Variants in GTF3C5 observed in about 807,000 individuals in gnomAD.
The protein encoded by GTF3C5 is general transcription factor 3C polypeptide 5.
Under a neutral mutation model 61.0 loss-of-function variants are expected in GTF3C5, and 47 were observed. The ratio of observed to expected loss-of-function variants is 0.77; its 90% confidence interval spans 0.61 to 0.98. The LOEUF (loss-of-function observed/expected upper bound fraction) is 0.98, where lower values mean the gene tolerates loss of function less well. GTF3C5 is among the 50% of genes least tolerant of loss of function. GTF3C5 has a pLI of 0.00. For synonymous variants in GTF3C5, 295 were observed against 275.4 expected (o/e 1.07, Z -0.71); for missense variants, 659 against 703.3 (o/e 0.94, Z 0.71).
At chr9:133,033,274 C>G (rs1849779238) in intron 1 of GTF3C5, among the ~76,000 whole-genome samples, 1 of 152,150 alleles carries the variant, frequency 6.6e-6, no homozygotes, top group Admixed American at 6.5e-5. Context: ...ATCTCTTACT[C>G]TACGGTGTCT....
chr9:133,038,205 G>A (rs1849932684), intron 1 of GTF3C5, among the ~76,000 whole-genome samples: 1 of 152,158 alleles, frequency 6.6e-6, no homozygotes, highest in Non-Finnish European at 1.5e-5. Flanking sequence ...TGAACAAGCT[G>A]AACCTTTGAG....
chr9:133,056,684 C>T (rs1233881502), intron 9 of GTF3C5, 82 bp from the exon 10 acceptor site: 23 of 1,372,946 alleles, frequency 1.7e-5, no homozygotes, highest in Non-Finnish European at 2.0e-5. Context: ...TACAGCTCTG[C>T]CTCTGGCAAA....
chr9:133,054,266 C>T (rs1156658114), intron 6 of GTF3C5, 142 bp from the exon 7 acceptor site: 4 of 675,340 alleles, frequency 5.9e-6, no homozygotes, highest in Non-Finnish European at 1.0e-5. Flanking sequence ...TGTTGGTGAC[C>T]GCAGTGGCGT....
chr9:133,045,079 A>G (rs1490351592), intron 3 of GTF3C5, among the ~76,000 whole-genome samples: 1 of 152,256 alleles, frequency 6.6e-6, no homozygotes, highest in Non-Finnish European at 1.5e-5. Flanking sequence ...ACATTGACAT[A>G]AAAGAATAGG....
chr9:133,049,965 G>T (rs1240518389), intron 3 of GTF3C5, among the ~76,000 whole-genome samples: 1 of 152,150 alleles, frequency 6.6e-6, no homozygotes, highest in Non-Finnish European at 1.5e-5. Flanking sequence ...TTGACATTGG[G>T]GTTCCCTCTT....
intron 1 of GTF3C5, among the ~76,000 whole-genome samples, chr9:133,037,973 G>T (rs1316958543): frequency 6.6e-6 from 1 of 152,178 alleles, no homozygotes; most frequent in Non-Finnish European, 1.5e-5. Context: ...AGGTTCCTGT[G>T]TCTTGTCCCA....
chr9:133,050,933 C>T lies in GTF3C5; in HGVS notation c.723C>T (p.Val241=), dbSNP rs1294379317. ...LEAAAQTWRR[V]CTNPVDRKVE... Reference sequence around the variant, plus strand: ...CTGCAGCCCAGACGTGGAGGAGAGTCTGCACTAACCCCGTGGACCGGAAGG... The same window carrying T: ...CTGCAGCCCAGACGTGGAGGAGAGTTTGCACTAACCCCGTGGACCGGAAGG... The change falls in exon 4 of 11, where the codon GTC becomes GTT. Residue 241 remains valine, a synonymous_variant. Coordinates refer to ENST00000372097, the MANE Select transcript of GTF3C5 (RefSeq NM_012087.4). The T allele has an allele frequency of 1.2e-6, 2 of 1,613,506 alleles. No individual in the cohort carries two copies. The highest frequency in any genetic ancestry group is 2.2e-5 in the East Asian group (1 of 44,830).
chr9:133,058,374 C>T lies in GTF3C5; in HGVS notation c.*394C>T, dbSNP rs7324. On this transcript the variant is annotated 3_prime_UTR_variant, in exon 11 of 11. Transcript: ENST00000372097. The stretch of plus-strand genomic sequence containing the variant: ...CTCATGACTGTGGTGGTGGAGATAG[C>T]GTGGGGAGCCTCGCCCATGGTCTCA... The T allele has an allele frequency of 0.28, 48,544 of 174,414 alleles. 7,611 individuals carry two copies. The highest frequency in any genetic ancestry group is 0.34 in the Non-Finnish European group (27,390 of 81,032). The allele number at this position is 174,414 out of a possible 1,614,324, so 10.8% of individuals were successfully genotyped here. A position where few individuals can be genotyped will look rare whatever the true frequency, so the allele number is the denominator to read the frequency against.
rs1252054357 is a variant in GTF3C5 at position 133,054,598 on chromosome 9, G to A, written c.1069+110G>A. The A allele has an allele frequency of 4.5e-5, 64 of 1,407,972 alleles. No individual in the cohort carries two copies. In the Admixed American group the frequency reaches 7.8e-4, roughly 17 times the overall value. The allele number at this position is 1,407,972 out of a possible 1,614,324, so 87.2% of individuals were successfully genotyped here. A position where few individuals can be genotyped will look rare whatever the true frequency, so the allele number is the denominator to read the frequency against. On this transcript the variant is annotated intron_variant, in intron 7 of 10. Transcript: ENST00000372097. The stretch of plus-strand genomic sequence containing the variant: ...CTGGGGGTCACTCCAGGGCTCTGCC[G>A]GTCATTCCTCCCCTAGGAGGGGGTG...
rs1487050593 is a variant in GTF3C5 at position 133,058,010 on chromosome 9, G to A, written c.*30G>A. The stretch of plus-strand genomic sequence containing the variant: ...GCCCAAGGCTGGGCCTCCCTGACCC[G>A]GCCAGACTGGTGTCTGGCCTAATGA... On this transcript the variant is annotated 3_prime_UTR_variant, in exon 11 of 11. Transcript: ENST00000372097. The A allele has an allele frequency of 5.0e-6, 8 of 1,612,294 alleles. No individual in the cohort carries two copies. In the East Asian group the frequency reaches 6.7e-5, roughly 13 times the overall value.
intron 1 of GTF3C5, among the ~76,000 whole-genome samples, chr9:133,032,993 A>T (rs1434575817): frequency 1.3e-5 from 2 of 152,156 alleles, no homozygotes; most frequent in Non-Finnish European, 2.9e-5. Flanking sequence ...ATCATTTCTA[A>T]TGCTATTCTA....
At chr9:133,044,228 G>C in intron 3 of GTF3C5, 1 of 405,054 alleles carries the variant, frequency 2.5e-6, no homozygotes, top group Non-Finnish European at 4.5e-6. Flanking sequence ...TTTAAAAAGT[G>C]TGTGCAGTTC....
intron 1 of GTF3C5, among the ~76,000 whole-genome samples, chr9:133,034,443 A>G (rs959424504): frequency 5.9e-5 from 9 of 152,204 alleles, no homozygotes; most frequent in Non-Finnish European, 1.3e-4. Context: ...CCTGAGTCAC[A>G]TTGATGACAA....
chr9:133,031,085 T>G lies in GTF3C5; in HGVS notation c.74T>G (p.Val25Gly). ...PVELRRERRM[V>G]CVEYPGVVRD... Reference sequence around the variant, plus strand: ...GAGCTGAGGCGGGAGCGACGCATGGTGTGCGTGGAGTACCCGGGAGTGGTG... The same window carrying G: ...GAGCTGAGGCGGGAGCGACGCATGGGGTGCGTGGAGTACCCGGGAGTGGTG... The change falls in exon 1 of 11, where the codon GTG (valine) becomes GGG (glycine). Residue 25 changes from valine to glycine, a missense_variant. Val to Gly is a moderately radical substitution (Grantham distance 109). Transcript: ENST00000372097. 1 of 1,609,162 alleles carries G rather than the reference T, an allele frequency of 6.2e-7. No homozygotes were observed.
chr9:133,052,571 T>C (rs955878952), intron 5 of GTF3C5, among the ~76,000 whole-genome samples: 1 of 151,688 alleles, frequency 6.6e-6, no homozygotes, highest in African/African-American at 2.4e-5. Flanking sequence ...TTGAGTGGGG[T>C]TCAGTGGGAG....
intron 1 of GTF3C5, among the ~76,000 whole-genome samples, chr9:133,035,992 G>T (rs961061045): frequency 3.3e-5 from 5 of 152,194 alleles, no homozygotes; most frequent in Admixed American, 6.5e-5. Context: ...TTTAAGGCTT[G>T]ATTCATTGCA....
chr9:133,038,560 C>A (rs1198964365), intron 1 of GTF3C5, among the ~76,000 whole-genome samples: 1 of 151,090 alleles, frequency 6.6e-6, no homozygotes, highest in Non-Finnish European at 1.5e-5. Flanking sequence ...AAGCAGTTCT[C>A]CTGCCTCAGC....
chr9:133,037,815 G>A (rs772606313), intron 1 of GTF3C5, among the ~76,000 whole-genome samples: 38 of 152,194 alleles, frequency 2.5e-4, no homozygotes, highest in Non-Finnish European at 4.8e-4. Flanking sequence ...CTCTTCTGAG[G>A]AGCAGCTGAC....
At chr9:133,053,286 T>G (rs1850441572) in intron 5 of GTF3C5, among the ~76,000 whole-genome samples, 1 of 152,154 alleles carries the variant, frequency 6.6e-6, no homozygotes, top group African/African-American at 2.4e-5. Context: ...CATTTAATCC[T>G]CTGAAAAACC....
Sources: gnomAD v4.1 joint callset for allele counts (sites outside exome capture counted in the v4.1 genomes callset) on GRCh38, gnomAD v4.1.1 for gene constraint, MANE v1.5 for transcripts, NCBI Gene and HGNC (gene_info 2026-07-23, HGNC 2026-07-21) for gene names.